DAZAP1: variants seen among roughly 807,000 people sequenced by gnomAD.
DAZAP1 encodes DAZ associated protein 1.
DAZAP1 carries 6 observed loss-of-function variants against 60.1 expected under a neutral mutation model. That is an observed-to-expected ratio of 0.10 (90% CI 0.05 to 0.20). DAZAP1 has a LOEUF of 0.20. DAZAP1 is among the 10% of genes least tolerant of loss of function. The pLI is 1.00. For missense variants in DAZAP1, 366 were observed against 560.4 expected (o/e 0.65, Z 3.50); for synonymous variants, 235 against 215.9 (o/e 1.09, Z -0.78).
chr19:1,417,615 G>A (rs1188631365), intron 2 of DAZAP1, 75 bp downstream of exon 2: 5 of 1,341,890 alleles, frequency 3.7e-6, no homozygotes, highest in African/African-American at 1.5e-5. Context: ...GTGTCTGCCC[G>A]CCTCTTGCTA....
rs77823716 is a variant in DAZAP1 at position 1,430,425 on chromosome 19, G to A, written c.871+63G>A. 1.6e-3 allele frequency: 2,228 copies of A among 1,406,954 alleles called. 35 individuals are homozygous for A. The African/African-American group carries it at 0.03, about 19-fold the overall frequency. 87.2% of individuals were successfully genotyped at this position (1,406,954 alleles called of 1,614,324 possible). On this transcript the variant is annotated intron_variant, in intron 10 of 11. Coordinates refer to ENST00000233078, the MANE Select transcript of DAZAP1 (RefSeq NM_018959.4). ...GCTCCGGAGATGCCAGGTGGTGGGC[G>A]GGGTGATGGGGAGTCTTGTGTTACA...
At position 1,432,744 on chromosome 19, in the gene DAZAP1, G is replaced by T; in HGVS notation, c.1048+54G>T. 2 of 1,520,868 alleles carry T rather than the reference G, an allele frequency of 1.3e-6. No individual in the cohort carries two copies. Among genetic ancestry groups the T allele is most frequent in the South Asian group, 1.3e-5 (1 of 78,256 alleles). The allele number at this position is 1,520,868 out of a possible 1,614,324, so 94.2% of individuals were successfully genotyped here. A position where few individuals can be genotyped will look rare whatever the true frequency, so the allele number is the denominator to read the frequency against. On this transcript the variant is annotated intron_variant, in intron 11 of 11. Transcript: ENST00000233078. The surrounding 1 kb of genome is among the most constrained non-coding windows in gnomAD (Gnocchi z 4.9). Reference sequence around the variant, plus strand: ...CCGCTGGCCCCAGGACCCTGGGCACGGCCTGCCTTCTTCTGCTTCCTCCCC... The same window carrying T: ...CCGCTGGCCCCAGGACCCTGGGCACTGCCTGCCTTCTTCTGCTTCCTCCCC...
At chr19:1,415,353 A>ATATGTG (rs1555780985) in intron 1 of DAZAP1, among the ~76,000 whole-genome samples, 20 of 109,374 alleles carry the variant, frequency 1.8e-4, no homozygotes, top group East Asian at 1.3e-3. Context: ...TCAGGGTTTT[A>ATATGTG]TGTGTGTGTG....
In DAZAP1 at chr19:1,418,370, C is replaced by T. The variant is rs771931589; in HGVS notation, c.237C>T (p.Asn79=). The T allele has an allele frequency of 2.3e-5, 37 of 1,611,594 alleles. No homozygotes were observed. The highest frequency in any genetic ancestry group is 8.9e-5 in the East Asian group (4 of 44,806). ...ASRPHTLDGR[N]IDPKPCTPRG... ...GACCGCACACGCTAGATGGCCGAAA[C>T]GTAAGTGCCCTTCCGGGAGCTCACA... is the stretch of plus-strand genomic sequence containing the variant. Residue 79 remains asparagine, a splice_region_variant and synonymous_variant, in exon 3 of 12, where the codon AAC becomes AAT. Transcript: ENST00000233078. This position sits in a 1 kb window ranked among gnomAD's most constrained non-coding sequence, Gnocchi z 5.7.
At position 1,417,548 on chromosome 19, in the gene DAZAP1, G is replaced by A; in HGVS notation, c.70+8G>A. On this transcript the variant is annotated splice_region_variant and intron_variant, in intron 2 of 11. Transcript: ENST00000233078. ...ACTGGAGCACGACCCAAGGTAGGTG[G>A]GGAAGGGGTGTCAGGTGGGTACTGC... 1.2e-6 allele frequency: 2 copies of A among 1,603,108 alleles called. No homozygotes were observed. Among genetic ancestry groups the A allele is most frequent in the Non-Finnish European group, 8.5e-7 (1 of 1,175,170 alleles).
chr19:1,419,926 A>G (rs541638869), intron 4 of DAZAP1, among the ~76,000 whole-genome samples: 50 of 122,748 alleles, frequency 4.1e-4, no homozygotes, highest in African/African-American at 1.1e-3. Context: ...CGTCAACGGC[A>G]GCGAGCACTC....
At position 1,423,858 on chromosome 19, in the gene DAZAP1, GA is replaced by G. The variant is rs1320060758; in HGVS notation, c.463+1463del. Among the ~76,000 whole-genome samples, 1 of 152,202 alleles carries G rather than the reference GA, an allele frequency of 6.6e-6. No individual in the cohort carries two copies. Among genetic ancestry groups the G allele is most frequent in the Non-Finnish European group, 1.5e-5 (1 of 68,036 alleles). On this transcript the variant is annotated intron_variant, in intron 6 of 11. Coordinates refer to ENST00000233078, the MANE Select transcript of DAZAP1 (RefSeq NM_018959.4). This position sits in a 1 kb window ranked among gnomAD's most constrained non-coding sequence, Gnocchi z 6.8. ...GTCCTGTCCTGTCCCGTGTGGACGG[GA>G]CGTGGCGAGTGTCGCTGAGTCCACA...
Position 1,428,568 on chromosome 19 carries a change from TG to T in DAZAP1, c.547-271del, listed in dbSNP as rs1471292651. The T allele has an allele frequency of 7.7e-6, 3 of 391,338 alleles. No homozygotes were observed. 24.2% of individuals were successfully genotyped at this position (391,338 alleles called of 1,614,324 possible). Reference sequence around the variant, plus strand: ...TCACGCACGAAACCCCCGAGGGCTCTGGGCTCGGTCCTGCTGCCCCGCAGTG... The same window carrying T: ...TCACGCACGAAACCCCCGAGGGCTCTGGCTCGGTCCTGCTGCCCCGCAGTG... On this transcript the variant is annotated intron_variant, in intron 7 of 11. Transcript: ENST00000233078. This position sits in a 1 kb window ranked among gnomAD's most constrained non-coding sequence, Gnocchi z 4.0.
chr19:1,409,596 G>T (rs1479498895), intron 1 of DAZAP1, among the ~76,000 whole-genome samples: 2 of 152,272 alleles, frequency 1.3e-5, no homozygotes, highest in Admixed American at 1.3e-4. Context: ...CCTTGGGCAA[G>T]AAGTGTTGCC....
At position 1,435,130 on chromosome 19, in the gene DAZAP1, T is replaced by G; in HGVS notation, c.*218T>G. ...CAGCACAATAAAAAAAAGTCACTGGTTCAACAACAGGGTTTAAAAAAAATG... is the reference window on the plus strand; with the variant it reads ...CAGCACAATAAAAAAAAGTCACTGGGTCAACAACAGGGTTTAAAAAAAATG... On this transcript the variant is annotated 3_prime_UTR_variant, in exon 12 of 12. Coordinates refer to ENST00000233078, the MANE Select transcript of DAZAP1 (RefSeq NM_018959.4). The G allele has an allele frequency of 3.0e-6, 1 of 332,510 alleles. No individual in the cohort carries two copies. 20.6% of individuals were successfully genotyped at this position (332,510 alleles called of 1,614,324 possible). A position where few individuals can be genotyped will look rare whatever the true frequency, so the allele number is the denominator to read the frequency against.
chr19:1,414,484 C>T (rs1338814810), intron 1 of DAZAP1, among the ~76,000 whole-genome samples: 1 of 152,138 alleles, frequency 6.6e-6, no homozygotes, highest in Non-Finnish European at 1.5e-5. Flanking sequence ...CAGCTACTCA[C>T]GCCTGTCATC....
At chr19:1,415,394 G>GTTTT (rs3837987) in intron 1 of DAZAP1, among the ~76,000 whole-genome samples, 3 of 69,838 alleles carry the variant, frequency 4.3e-5, no homozygotes, top group African/African-American at 4.7e-5. Context: ...TGTGTGTTTT[G>GTTTT]TTTTTTTTTT....
intron 9 of DAZAP1, 47 bp downstream of exon 9, chr19:1,430,043 C>A: frequency 6.3e-7 from 1 of 1,577,758 alleles, no homozygotes. Flanking sequence ...AGCCACATGG[C>A]AGGCTGACTC....
chr19:1,412,195 C>T (rs989504261), intron 1 of DAZAP1, among the ~76,000 whole-genome samples: 4 of 152,180 alleles, frequency 2.6e-5, no homozygotes, highest in African/African-American at 9.7e-5. Flanking sequence ...ACCCCACACC[C>T]TGCAGGCGTG....
In DAZAP1 at chr19:1,422,258, G is replaced by T. The variant is rs1008341079; in HGVS notation, c.415-90G>T. 1 of 1,253,126 alleles carries T rather than the reference G, an allele frequency of 8.0e-7. No homozygotes were observed. Among genetic ancestry groups the T allele is most frequent in the African/African-American group, 1.5e-5 (1 of 67,408 alleles). 77.6% of individuals were successfully genotyped at this position (1,253,126 alleles called of 1,614,324 possible). A position where few individuals can be genotyped will look rare whatever the true frequency, so the allele number is the denominator to read the frequency against. On this transcript the variant is annotated intron_variant, in intron 5 of 11. Transcript: ENST00000233078. The surrounding 1 kb of genome is among the most constrained non-coding windows in gnomAD (Gnocchi z 4.5). Reference sequence around the variant, plus strand: ...CAGGGAGGGCGCACCCTGTGCGAGAGTTTGGGTTCGTGGGAACAGGCTGTG... The same window carrying T: ...CAGGGAGGGCGCACCCTGTGCGAGATTTTGGGTTCGTGGGAACAGGCTGTG...
At chr19:1,424,234 C>A (rs112963892) in intron 6 of DAZAP1, among the ~76,000 whole-genome samples, 2,322 of 152,110 alleles carry the variant, frequency 0.015, 34 homozygotes, top group Middle Eastern at 0.034. Context: ...GCCGCTGCCT[C>A]GTTCGCCTCT....
Position 1,432,463 on chromosome 19 carries a change from G to A in DAZAP1, c.872-51G>A, listed in dbSNP as rs889905986. ...CTGGGTGTGGGTCTCCTGCTGGTCT[G>A]CCCCCAGCTGCACAACGTGTCTTGT... On this transcript the variant is annotated intron_variant, in intron 10 of 11. Coordinates refer to ENST00000233078, the MANE Select transcript of DAZAP1 (RefSeq NM_018959.4). The surrounding 1 kb of genome is among the most constrained non-coding windows in gnomAD (Gnocchi z 4.9). 3 of 1,593,312 alleles carry A rather than the reference G, an allele frequency of 1.9e-6. No individual in the cohort carries two copies. The highest frequency in any genetic ancestry group is 2.6e-6 in the Non-Finnish European group (3 of 1,163,620).
rs892929597 is a variant in DAZAP1, at chr19:1,432,592, G to C, written c.950G>C (p.Gly317Ala). The C allele has an allele frequency of 6.2e-7, 1 of 1,613,526 alleles. No homozygotes were observed. The highest frequency in any genetic ancestry group is 8.5e-7 in the Non-Finnish European group (1 of 1,179,988). Residue 317 changes from glycine (G) to alanine (A), a missense_variant, in exon 11 of 12, where the codon GGG (glycine) becomes GCG (alanine). Physicochemically the swap from Gly to Ala is moderately conservative, Grantham distance 60 (BLOSUM62 0). Coordinates refer to ENST00000233078, the MANE Select transcript of DAZAP1 (RefSeq NM_018959.4). The surrounding 1 kb of genome is among the most constrained non-coding windows in gnomAD (Gnocchi z 4.9). The stretch of plus-strand genomic sequence containing the variant: ...GTTCCTCCTCCACCAGCCACTCCCG[G>C]GGCAGCACCTCTGGCTTTCCCACCG... ...PGVPPPPATP[G>A]AAPLAFPPPP...
At position 1,422,105 on chromosome 19, in the gene DAZAP1, C is replaced by T. The variant is rs572474461; in HGVS notation, c.415-243C>T. The stretch of plus-strand genomic sequence containing the variant: ...AGCGGGGCCACGGGCAGCCCGGAGG[C>T]GGGTATCCAGACGCCTGCCCTGGAG... On this transcript the variant is annotated intron_variant, in intron 5 of 11. Transcript: ENST00000233078. The surrounding 1 kb of genome is among the most constrained non-coding windows in gnomAD (Gnocchi z 4.5). 8.5e-5 allele frequency among the ~76,000 whole-genome samples: 13 copies of T among 152,374 alleles called. No individual in the cohort carries two copies. The highest frequency in any genetic ancestry group is 1.9e-4 in the East Asian group (1 of 5,188).
Sources: gnomAD v4.1 joint callset for allele counts (sites outside exome capture counted in the v4.1 genomes callset) on GRCh38, gnomAD v4.1.1 for gene constraint, Gnocchi (gnomAD v3.1) non-coding constraint, MANE v1.5 for transcripts, NCBI Gene and HGNC (gene_info 2026-07-23, HGNC 2026-07-21) for gene names.